ZNF280D: variants seen among roughly 807,000 people sequenced by gnomAD.
The protein encoded by ZNF280D is suppressor of hairy wing homolog 4.
A neutral mutation model predicts 94.7 loss-of-function variants in ZNF280D; 39 were observed. The observed-to-expected ratio is 0.41, with a 90% CI of 0.32 to 0.54. The LOEUF (loss-of-function observed/expected upper bound fraction) is 0.54, where lower values mean the gene tolerates loss of function less well. ZNF280D is among the 20% of genes least tolerant of loss of function. The pLI, the probability that ZNF280D is intolerant of heterozygous loss-of-function variation, is 0.22. For synonymous variants in ZNF280D, 398 were observed against 377.6 expected, an observed-to-expected ratio of 1.05 and a Z score of -0.63; for missense variants, 1,090 against 1,149.3, an observed-to-expected ratio of 0.95 and a Z score of 0.75.
At chr15:56,654,099 ATACTT>A in intron 19 of ZNF280D, 94 bp downstream of exon 19, 1 of 1,518,452 alleles carries the variant, frequency 6.6e-7, no homozygotes, top group Admixed American at 2.4e-5. Context: ...AAACAACAAC[ATACTT>A]TAATACTTTT....
At chr15:56,678,961 G>A (rs1393298676) in intron 10 of ZNF280D, 140 bp from the exon 11 acceptor site, 11 of 707,644 alleles carry the variant, frequency 1.6e-5, no homozygotes, top group Non-Finnish European at 2.3e-5. Flanking sequence ...GCCTAGGAAA[G>A]TATGCACTTT....
At chr15:56,656,132 C>T (rs2053537531) in intron 17 of ZNF280D, among the ~76,000 whole-genome samples, 1 of 152,150 alleles carries the variant, frequency 6.6e-6, no homozygotes, top group African/African-American at 2.4e-5. Flanking sequence ...CACCTTAACT[C>T]CCACCCAATA....
At chr15:56,654,723 A>T in intron 17 of ZNF280D, 1 of 587,150 alleles carries the variant, frequency 1.7e-6, no homozygotes, top group Non-Finnish European at 3.2e-6. Flanking sequence ...TTTATTTTAC[A>T]CTTTTACCTG....
intron 16 of ZNF280D, among the ~76,000 whole-genome samples, chr15:56,664,119 C>T (rs1345569951): frequency 6.6e-6 from 1 of 152,034 alleles, no homozygotes; most frequent in African/African-American, 2.4e-5. Context: ...ATGTCAAATA[C>T]TCTAAAGAAG....
intron 1 of ZNF280D, among the ~76,000 whole-genome samples, chr15:56,716,796 A>G (rs967090871): frequency 3.3e-5 from 5 of 152,170 alleles, no homozygotes; most frequent in Admixed American, 2.0e-4. Context: ...TCTTTCAACT[A>G]TAAGTAACAA....
chr15:56,643,019 G>T, intron 19 of ZNF280D, 22 bp from the exon 20 acceptor site: 1 of 1,430,702 alleles, frequency 7.0e-7, no homozygotes, highest in South Asian at 1.4e-5. Context: ...GATAAGTATT[G>T]AATATTTTAT....
intron 1 of ZNF280D, among the ~76,000 whole-genome samples, chr15:56,723,550 A>C (rs758850045): frequency 3.9e-5 from 6 of 152,200 alleles, no homozygotes; most frequent in Non-Finnish European, 8.8e-5. Flanking sequence ...TAAATTATAA[A>C]AGTTAGTTTT....
At chr15:56,670,541 A>G (rs1362285621) in intron 13 of ZNF280D, among the ~76,000 whole-genome samples, 1 of 152,104 alleles carries the variant, frequency 6.6e-6, no homozygotes, top group Non-Finnish European at 1.5e-5. Flanking sequence ...CTTTGGCTGC[A>G]TAGTATTCCA....
intron 19 of ZNF280D, among the ~76,000 whole-genome samples, chr15:56,647,368 A>T (rs2140608060): frequency 6.6e-6 from 1 of 152,310 alleles, no homozygotes; most frequent in Admixed American, 6.5e-5. Flanking sequence ...TATTCATGAT[A>T]TGGAATTCGA....
At chr15:56,676,892 TA>T (rs2055268849) in intron 12 of ZNF280D, 76 bp from the exon 13 acceptor site, 1 of 1,167,628 alleles carries the variant, frequency 8.6e-7, no homozygotes, top group African/African-American at 1.5e-5. Context: ...CAATGATGGA[TA>T]ATTTGTCAGG....
At chr15:56,644,924 T>C (rs1296841580) in intron 19 of ZNF280D, among the ~76,000 whole-genome samples, 4 of 152,176 alleles carry the variant, frequency 2.6e-5, no homozygotes, top group African/African-American at 9.7e-5. Flanking sequence ...TTTACCATAT[T>C]AGTACTCTCT....
At chr15:56,660,549 C>A (rs1041053588) in intron 16 of ZNF280D, among the ~76,000 whole-genome samples, 4 of 151,270 alleles carry the variant, frequency 2.6e-5, no homozygotes, top group Non-Finnish European at 5.9e-5. Context: ...ACAGCTCACA[C>A]ATAAAAAGGA....
At chr15:56,668,700 C>A in intron 14 of ZNF280D, 123 bp downstream of exon 14, 1 of 915,646 alleles carries the variant, frequency 1.1e-6, no homozygotes, top group Non-Finnish European at 1.5e-6. Flanking sequence ...AAAATTAAAA[C>A]CTAAAATTAG....
intron 1 of ZNF280D, among the ~76,000 whole-genome samples, chr15:56,720,970 T>TTG (rs755629579): frequency 1.2e-3 from 31 of 26,574 alleles, no homozygotes; most frequent in East Asian, 3.4e-3. Context: ...GCATTTTTTT[T>TTG]GGGGGGGGGG....
At chr15:56,642,892 C>T in intron 20 of ZNF280D, 60 bp downstream of exon 20, 1 of 1,244,718 alleles carries the variant, frequency 8.0e-7, no homozygotes, top group Non-Finnish European at 1.1e-6. Context: ...AATTTTATAT[C>T]ATACCAATAA....
At position 56,666,840 on chromosome 15, in the gene ZNF280D, T is replaced by C; in HGVS notation, c.1692A>G (p.Lys564=). The C allele has an allele frequency of 6.2e-7, 1 of 1,613,902 alleles. No individual in the cohort carries two copies. Among genetic ancestry groups the C allele is most frequent in the South Asian group, 1.1e-5 (1 of 91,078 alleles). The change falls in exon 15 of 22, where the codon AAA becomes AAG. Residue 564 remains lysine (K), a synonymous_variant. Coordinates refer to ENST00000267807, the MANE Select transcript of ZNF280D (RefSeq NM_017661.4). The stretch of plus-strand genomic sequence containing the variant: ...TTGCGTTGGATTTGACTGTATTAGG[T>C]TTACTTGTATTAGATTTTGCAGGAT... ...AKNPAKSNTS[K]PNTVKSNASK...
chr15:56,663,654 T>C (rs116951136), intron 16 of ZNF280D, among the ~76,000 whole-genome samples: 3 of 152,118 alleles, frequency 2.0e-5, no homozygotes, highest in Admixed American at 1.3e-4. Context: ...CATATGACAC[T>C]AAGAGCTGTG....
At chr15:56,733,360 C>T (rs899544210) in intron 1 of ZNF280D, 98 bp downstream of exon 1, 5 of 717,808 alleles carry the variant, frequency 7.0e-6, no homozygotes, top group Non-Finnish European at 8.5e-6. Flanking sequence ...GGCCTCAAGA[C>T]CCCCAGTCCA....
At chr15:56,675,371 T>C (rs1473919701) in intron 13 of ZNF280D, among the ~76,000 whole-genome samples, 2 of 151,868 alleles carry the variant, frequency 1.3e-5, no homozygotes, top group African/African-American at 4.8e-5. Flanking sequence ...AAATACGGGG[T>C]ATCAAGAATA....
Sources: gnomAD v4.1 joint callset for allele counts (sites outside exome capture counted in the v4.1 genomes callset) on GRCh38, gnomAD v4.1.1 for gene constraint, MANE v1.5 for transcripts, NCBI Gene and HGNC (gene_info 2026-07-23, HGNC 2026-07-21) for gene names.